Variants in NEDD4L observed in about 807,000 individuals in gnomAD.
NEDD4L encodes the protein NEDD4 like E3 ubiquitin protein ligase.
NEDD4L carries 54 observed loss-of-function variants against 148.9 expected under a neutral mutation model. That is an observed-to-expected ratio of 0.36 (90% CI 0.29 to 0.45). The LOEUF is 0.45. Ranked by LOEUF, NEDD4L falls within the 20% of genes least tolerant of loss-of-function variation. The probability of loss-of-function intolerance (pLI) is 1.00; values close to 1 mark genes in which losing one functional copy is unlikely to be tolerated. For synonymous variants in NEDD4L, 433 were observed against 440.7 expected, an observed-to-expected ratio of 0.98 and a Z score of 0.22; for missense variants, 856 against 1,233.8, an observed-to-expected ratio of 0.69 and a Z score of 4.59.
rs1456270870 is a variant in NEDD4L at position 58,400,987 on chromosome 18, C to T, written c.*4718C>T. On this transcript the variant is annotated 3_prime_UTR_variant, in exon 31 of 31. Transcript: ENST00000400345. ...ACACCTTTATTGAGTAATCTGGTTT[C>T]GAAAGGAGGTGAGAGTTTAGTCCCT... 3 of 151,978 alleles carry T rather than the reference C, an allele frequency of 2.0e-5. No homozygotes were observed. Among genetic ancestry groups the T allele is most frequent in the Non-Finnish European group, 4.4e-5 (3 of 68,018 alleles). The allele number at this position is 151,978 out of a possible 1,614,324, so 9.4% of individuals were successfully genotyped here.
chr18:58,159,887 T>G (rs574218), intron 1 of NEDD4L, among the ~76,000 whole-genome samples: 5,108 of 152,236 alleles, frequency 0.034, 275 homozygotes, highest in African/African-American at 0.12. Flanking sequence ...GACAAAACAG[T>G]GGAAGTCCCT....
At chr18:58,193,546 T>C (rs1406777293) in intron 2 of NEDD4L, among the ~76,000 whole-genome samples, 1 of 152,222 alleles carries the variant, frequency 6.6e-6, no homozygotes, top group Non-Finnish European at 1.5e-5. Flanking sequence ...GTATCCAACT[T>C]ACACACACCA....
intron 1 of NEDD4L, among the ~76,000 whole-genome samples, chr18:58,092,184 G>A (rs1001138586): frequency 1.3e-5 from 2 of 152,232 alleles, no homozygotes; most frequent in African/African-American, 2.4e-5. Flanking sequence ...TCCTCCCTTC[G>A]GGGGAGGTCC....
At position 58,290,437 on chromosome 18, in the gene NEDD4L, A is replaced by AAATCTCACTC. The variant is rs1555790932; in HGVS notation, c.298-25545_298-25544insAATCTCACTC. Among the ~76,000 whole-genome samples, 8 of 151,728 alleles carry AAATCTCACTC rather than the reference A, an allele frequency of 5.3e-5. No individual in the cohort carries two copies. In the South Asian group the frequency reaches 1.7e-3, roughly 32 times the overall value. ...TACTATCTGTCATTTGCTTGATGCT[A>AAATCTCACTC]TTGGCAAATGTGAAGCAGTTACCAG... On this transcript the variant is annotated intron_variant, in intron 5 of 30. Transcript: ENST00000400345.
intron 1 of NEDD4L, among the ~76,000 whole-genome samples, chr18:58,129,735 C>T (rs544136318): frequency 1.3e-5 from 2 of 152,316 alleles, no homozygotes; most frequent in South Asian, 4.1e-4. Context: ...TGCGATCCAG[C>T]AGAACTGTGG....
At chr18:58,311,106 GTGGCTTTCTAATTCTTTTGA>G (rs2057646467) in intron 5 of NEDD4L, among the ~76,000 whole-genome samples, 1 of 151,544 alleles carries the variant, frequency 6.6e-6, no homozygotes, top group Non-Finnish European at 1.5e-5. Context: ...CTGTAGTTGA[GTGGCTTTCTAATTCTTTTGA>G]TGGCACACAA....
chr18:58,088,999 G>A (rs981630533), intron 1 of NEDD4L, among the ~76,000 whole-genome samples: 18 of 151,986 alleles, frequency 1.2e-4, no homozygotes, highest in East Asian at 1.9e-4. Context: ...GTCCCCACTC[G>A]CCTACAGCTT....
chr18:58,169,773 G>A (rs959591489), intron 2 of NEDD4L, among the ~76,000 whole-genome samples: 3 of 152,098 alleles, frequency 2.0e-5, no homozygotes, highest in African/African-American at 7.2e-5. Context: ...GACTCCTCCA[G>A]TGGCCCATCC....
intron 6 of NEDD4L, among the ~76,000 whole-genome samples, chr18:58,319,970 A>G (rs1431807703): frequency 6.6e-6 from 1 of 152,204 alleles, no homozygotes; most frequent in Non-Finnish European, 1.5e-5. Context: ...AGATGAGGAC[A>G]CTGAGGCCAA....
intron 2 of NEDD4L, among the ~76,000 whole-genome samples, chr18:58,174,928 T>C (rs187061035): frequency 3.5e-4 from 54 of 152,332 alleles, no homozygotes; most frequent in African/African-American, 1.2e-3. Flanking sequence ...TTTGAAAACA[T>C]TGTACAAAGT....
At chr18:58,394,731 A>G (rs866451899) in intron 30 of NEDD4L, among the ~76,000 whole-genome samples, 4 of 152,174 alleles carry the variant, frequency 2.6e-5, no homozygotes, top group South Asian at 2.1e-4. Context: ...CTTATTCAAT[A>G]TTTAGTGGTT....
chr18:58,299,505 C>CT (rs950673100), intron 5 of NEDD4L, among the ~76,000 whole-genome samples: 13 of 152,034 alleles, frequency 8.6e-5, no homozygotes, highest in African/African-American at 3.1e-4. Context: ...TTTTTAGTAC[C>CT]TTTGTGTATA....
chr18:58,250,271 T>C (rs550540775), intron 4 of NEDD4L, among the ~76,000 whole-genome samples: 66 of 152,250 alleles, frequency 4.3e-4, no homozygotes, highest in African/African-American at 1.5e-3. Context: ...TGCCTCAACC[T>C]CCTGAGTAGC....
chr18:58,060,180 G>A (rs1355834731), intron 1 of NEDD4L, among the ~76,000 whole-genome samples: 1 of 152,118 alleles, frequency 6.6e-6, no homozygotes, highest in Non-Finnish European at 1.5e-5. Context: ...GGCCTGAGTG[G>A]CCAGACTGTA....
chr18:58,103,869 G>T (rs1230359384), intron 1 of NEDD4L, among the ~76,000 whole-genome samples: 1 of 152,180 alleles, frequency 6.6e-6, no homozygotes, highest in Non-Finnish European at 1.5e-5. Flanking sequence ...GTGAAGAAAA[G>T]AATAAAGCTG....
intron 1 of NEDD4L, among the ~76,000 whole-genome samples, chr18:58,070,453 T>G (rs996231601): frequency 6.6e-6 from 1 of 151,992 alleles, no homozygotes; most frequent in East Asian, 1.9e-4. Flanking sequence ...ATTTTTTTTG[T>G]AGAGATGGAG....
chr18:58,150,890 T>C (rs1375661739), intron 1 of NEDD4L, among the ~76,000 whole-genome samples: 1 of 152,148 alleles, frequency 6.6e-6, no homozygotes, highest in Non-Finnish European at 1.5e-5. Flanking sequence ...CCCCTTCTCC[T>C]GTGATCTTGC....
At chr18:58,060,439 T>C (rs2082281783) in intron 1 of NEDD4L, among the ~76,000 whole-genome samples, 1 of 152,118 alleles carries the variant, frequency 6.6e-6, no homozygotes, top group Non-Finnish European at 1.5e-5. Context: ...AAGCTCACCA[T>C]GCAGCTTTGG....
chr18:58,153,404 A>G (rs9954295), intron 1 of NEDD4L, among the ~76,000 whole-genome samples: 25,956 of 149,770 alleles, frequency 0.17, 2,444 homozygotes, highest in African/African-American at 0.24. Flanking sequence ...CAGTGGCACA[A>G]TCTTGGCTCA....
Sources: gnomAD v4.1 joint callset for allele counts (sites outside exome capture counted in the v4.1 genomes callset) on GRCh38, gnomAD v4.1.1 for gene constraint, MANE v1.5 for transcripts, NCBI Gene and HGNC (gene_info 2026-07-23, HGNC 2026-07-21) for gene names.